Variants in MCF2L observed in about 807,000 individuals in gnomAD.
MCF2L encodes the protein guanine nucleotide exchange factor DBS.
Under a neutral mutation model 153.4 loss-of-function variants are expected in MCF2L, and 97 were observed. That is an observed-to-expected ratio of 0.63 (90% CI 0.54 to 0.75). The LOEUF is 0.75. Among genes scored for constraint, MCF2L ranks in the 30% least tolerant of loss-of-function variants. MCF2L has a pLI of 0.00. For missense variants in MCF2L, 1,347 were observed against 1,495.2 expected, an observed-to-expected ratio of 0.90 and a Z score of 1.64; for synonymous variants, 659 against 632.2, an observed-to-expected ratio of 1.04 and a Z score of -0.64.
At chr13:113,075,585 T>C (rs1035070641) in intron 11 of MCF2L, among the ~76,000 whole-genome samples, 4 of 152,148 alleles carry the variant, frequency 2.6e-5, no homozygotes, top group Non-Finnish European at 5.9e-5. Context: ...TCCTCTCACC[T>C]TCACCTCTCA....
chr13:113,005,420 GTTCGTGGTGGGCCATGGACTA>G (rs1352222089), intron 1 of MCF2L, among the ~76,000 whole-genome samples: 18 of 152,224 alleles, frequency 1.2e-4, no homozygotes, highest in Non-Finnish European at 2.9e-5. Context: ...CTGGGGGTCT[GTTCGTGGTGGGCCATGGACTA>G]TTCGTGGTGA....
At chr13:112,939,387 C>A (rs2081553011) in intron 2 of MCF2L, among the ~76,000 whole-genome samples, 2 of 152,168 alleles carry the variant, frequency 1.3e-5, no homozygotes, top group East Asian at 3.9e-4. Context: ...TCCTCAGTGG[C>A]AACACCAAAA....
intron 4 of MCF2L, among the ~76,000 whole-genome samples, chr13:113,057,323 T>A (rs545459467): frequency 5.4e-5 from 8 of 147,268 alleles, no homozygotes; most frequent in Admixed American, 4.7e-4. Context: ...GTTTTGGCAC[T>A]GAGTGGGTGC....
rs949239136 is a variant in MCF2L at position 112,993,894 on chromosome 13, C to T, written c.80-20869C>T. 3.4e-5 allele frequency among the ~76,000 whole-genome samples: 5 copies of T among 146,780 alleles called. No individual in the cohort carries two copies. Among genetic ancestry groups the T allele is most frequent in the East Asian group, 2.0e-4 (1 of 4,922 alleles). On this transcript the variant is annotated intron_variant, in intron 1 of 29. Coordinates refer to ENST00000535094, the MANE Select transcript of MCF2L (RefSeq NM_001112732.3). This position sits in a 1 kb window ranked among gnomAD's most constrained non-coding sequence, Gnocchi z 4.6. ...TTTTCCCCTCCCTTAGATCGGAAGG[C>T]GAAGAAGGTGAGATCCACAGCTCGA...
chr13:112,979,217 C>T, intron 1 of MCF2L: 1 of 594,432 alleles, frequency 1.7e-6, no homozygotes, highest in Non-Finnish European at 2.1e-6. Context: ...GAACTTGAGA[C>T]TTCCTGAGGC....
At chr13:113,063,581 A>G (rs1401253378) in intron 5 of MCF2L, among the ~76,000 whole-genome samples, 1 of 152,210 alleles carries the variant, frequency 6.6e-6, no homozygotes, top group East Asian at 1.9e-4. Context: ...TGGCTTTGCA[A>G]GCAGTCAGAC....
chr13:113,062,193 C>T (rs895403393), intron 5 of MCF2L, among the ~76,000 whole-genome samples: 1 of 152,052 alleles, frequency 6.6e-6, no homozygotes, highest in East Asian at 2.0e-4. Flanking sequence ...AGCGACAAAA[C>T]CGTGCAGAGC....
chr13:113,050,153 A>T (rs1242911658), intron 4 of MCF2L, among the ~76,000 whole-genome samples: 2 of 151,498 alleles, frequency 1.3e-5, no homozygotes, highest in Non-Finnish European at 2.9e-5. Flanking sequence ...TGCATGTGTG[A>T]GTGTGTGAGT....
At chr13:112,968,343 A>G (rs1453571793), upstream of MCF2L, 2 of 1,326,600 alleles carry the variant, frequency 1.5e-6, no homozygotes, top group Non-Finnish European at 2.0e-6. Flanking sequence ...GAGAGCTCAG[A>G]GAGTTTCTTG....
intron 2 of MCF2L, among the ~76,000 whole-genome samples, chr13:113,019,176 T>C (rs1594686038): frequency 6.6e-6 from 1 of 152,308 alleles, no homozygotes; most frequent in East Asian, 1.9e-4. Flanking sequence ...TCCTAAGGAT[T>C]AAGTGTTTGT....
intron 2 of MCF2L, chr13:112,909,888 G>A (rs2993332): frequency 0.72 from 109,086 of 152,208 alleles, 39,455 homozygotes; most frequent in East Asian, 0.87. Context: ...TGATCCGCCC[G>A]CCTTGGCCTC....
At chr13:112,923,126 A>C (rs2081369034) in intron 2 of MCF2L, among the ~76,000 whole-genome samples, 1 of 152,076 alleles carries the variant, frequency 6.6e-6, no homozygotes, top group African/African-American at 2.4e-5. Flanking sequence ...CCTCAATATT[A>C]TGTTTCACCA....
intron 1 of MCF2L, chr13:112,979,591 G>T: frequency 6.3e-7 from 1 of 1,597,856 alleles, no homozygotes; most frequent in East Asian, 2.3e-5. Flanking sequence ...TCTAGCATCA[G>T]GGGGTCGCCT....
chr13:112,999,872 G>A (rs548562248), intron 1 of MCF2L, among the ~76,000 whole-genome samples: 1 of 152,358 alleles, frequency 6.6e-6, no homozygotes, highest in South Asian at 2.1e-4. Context: ...GGCTGGGAAT[G>A]AAGATGCCTG....
Position 113,098,065 on chromosome 13 carries a change from A to C in MCF2L, c.*1206A>C, listed in dbSNP as rs935739322. The C allele has an allele frequency of 1.3e-5, 2 of 152,346 alleles. No homozygotes were observed. The highest frequency in any genetic ancestry group is 2.9e-5 in the Non-Finnish European group (2 of 68,040). The allele number at this position is 152,346 out of a possible 1,614,324, so 9.4% of individuals were successfully genotyped here. On this transcript the variant is annotated 3_prime_UTR_variant, in exon 30 of 30. Coordinates refer to ENST00000535094, the MANE Select transcript of MCF2L (RefSeq NM_001112732.3). ...GTGTCTAGTCTGCAGATGTTTTTGT[A>C]TGTGTGCACCTCTGACCATGTGTGT...
intron 1 of MCF2L, chr13:112,979,226 G>A (rs1320156281): frequency 1.5e-6 from 1 of 668,946 alleles, no homozygotes; most frequent in Non-Finnish European, 1.9e-6. Flanking sequence ...ACTTCCTGAG[G>A]CCTGGAAGGT....
intron 1 of MCF2L, among the ~76,000 whole-genome samples, chr13:112,988,158 C>T (rs1444633538): frequency 4.6e-5 from 7 of 151,724 alleles, no homozygotes; most frequent in South Asian, 4.2e-4. Flanking sequence ...TCTGTGGCAG[C>T]GCACATGTAC....
intron 2 of MCF2L, among the ~76,000 whole-genome samples, chr13:113,015,341 C>T (rs1357610344): frequency 6.6e-6 from 1 of 152,226 alleles, no homozygotes; most frequent in Admixed American, 6.5e-5. Context: ...GCAGTGGCCC[C>T]GAGCTATGTA....
At chr13:112,913,049 G>A (rs1483039848) in intron 2 of MCF2L, among the ~76,000 whole-genome samples, 6 of 151,322 alleles carry the variant, frequency 4.0e-5, no homozygotes, top group African/African-American at 1.2e-4. Flanking sequence ...TGTCTGTGGT[G>A]TATCTGTGTA....
Sources: gnomAD v4.1 joint callset for allele counts (sites outside exome capture counted in the v4.1 genomes callset) on GRCh38, gnomAD v4.1.1 for gene constraint, Gnocchi (gnomAD v3.1) non-coding constraint, MANE v1.5 for transcripts, NCBI Gene and HGNC (gene_info 2026-07-23, HGNC 2026-07-21) for gene names.